The following EIF4G3 variants were observed in gnomAD, a reference collection of about 807,000 sequenced individuals.
The protein encoded by EIF4G3 is eukaryotic translation initiation factor 4 gamma 3.
Under a neutral mutation model 186.4 loss-of-function variants are expected in EIF4G3, and 34 were observed. That is an observed-to-expected ratio of 0.18 (90% CI 0.14 to 0.24). The LOEUF (loss-of-function observed/expected upper bound fraction) is 0.24, where lower values mean the gene tolerates loss of function less well. EIF4G3 is among the 10% of genes least tolerant of loss of function. EIF4G3 has a pLI of 1.00. For synonymous variants in EIF4G3, 673 were observed against 679.5 expected (o/e 0.99, Z 0.15); for missense variants, 1,536 against 1,948.5 (o/e 0.79, Z 3.99).
intron 36 of EIF4G3, among the ~76,000 whole-genome samples, chr1:20,808,319 A>G (rs1352238506): frequency 1.3e-5 from 2 of 152,060 alleles, no homozygotes; most frequent in Non-Finnish European, 2.9e-5. Flanking sequence ...TTACTGTATT[A>G]TTTTTACAAA....
chr1:20,849,727 G>A (rs569202176), intron 28 of EIF4G3, among the ~76,000 whole-genome samples, 197 bp from the exon 29 acceptor site: 1 of 152,252 alleles, frequency 6.6e-6, no homozygotes, highest in East Asian at 1.9e-4. Flanking sequence ...CAATAACAAT[G>A]AACAAGATTT....
intron 3 of EIF4G3, among the ~76,000 whole-genome samples, chr1:21,061,770 CAG>C (rs1443897144): frequency 1.4e-5 from 2 of 138,362 alleles, no homozygotes; most frequent in African/African-American, 2.7e-5. Context: ...TTTTTTGAGA[CAG>C]AGTCTCACTC....
intron 2 of EIF4G3, among the ~76,000 whole-genome samples, chr1:21,094,765 TATAATAATAATAATAATA>T (rs368168938): frequency 1.4e-5 from 2 of 140,890 alleles, no homozygotes; most frequent in Non-Finnish European, 3.1e-5. Context: ...GAACTTAAAG[TATAATAATAATAATAATA>T]ATAATAATAA....
At chr1:21,149,354 TG>T (rs2097513444) in intron 2 of EIF4G3, among the ~76,000 whole-genome samples, 1 of 152,128 alleles carries the variant, frequency 6.6e-6, no homozygotes, top group Non-Finnish European at 1.5e-5. Context: ...TTTTTTTCCC[TG>T]TATTTTCCAT....
At chr1:21,046,009 A>G (rs2093864780) in intron 4 of EIF4G3, among the ~76,000 whole-genome samples, 1 of 152,068 alleles carries the variant, frequency 6.6e-6, no homozygotes, top group Non-Finnish European at 1.5e-5. Flanking sequence ...TTAAATTATA[A>G]AACAGTGGTA....
At chr1:21,146,656 C>G (rs1289074989) in intron 2 of EIF4G3, among the ~76,000 whole-genome samples, 3 of 151,998 alleles carry the variant, frequency 2.0e-5, no homozygotes, top group Non-Finnish European at 4.4e-5. Context: ...ACTAGGGAAG[C>G]TGAGGAAGGA....
At chr1:21,153,576 T>C (rs976471753) in intron 2 of EIF4G3, among the ~76,000 whole-genome samples, 1 of 152,200 alleles carries the variant, frequency 6.6e-6, no homozygotes, top group East Asian at 1.9e-4. Context: ...GTTTGTTTGT[T>C]TGAGACGGAG....
At chr1:21,020,579 C>T (rs1047339802) in intron 4 of EIF4G3, among the ~76,000 whole-genome samples, 3 of 152,098 alleles carry the variant, frequency 2.0e-5, no homozygotes, top group Non-Finnish European at 4.4e-5. Context: ...GTATAGCCAG[C>T]GCGATTACTG....
intron 8 of EIF4G3, 130 bp from the exon 9 acceptor site, chr1:20,981,357 G>T (rs11811694): frequency 0.014 from 9,675 of 671,904 alleles, 430 homozygotes; most frequent in African/African-American, 0.12. Context: ...TGCATAAAAA[G>T]AATAAATTAC....
chr1:20,873,489 G>A (rs560409674), intron 20 of EIF4G3, among the ~76,000 whole-genome samples: 126 of 152,096 alleles, frequency 8.3e-4, no homozygotes, highest in Non-Finnish European at 1.5e-3. Flanking sequence ...GTTGTTTCAC[G>A]TTTGTAAATA....
chr1:21,084,278 C>T (rs2095886856), intron 3 of EIF4G3, among the ~76,000 whole-genome samples: 1 of 150,734 alleles, frequency 6.6e-6, no homozygotes, highest in Non-Finnish European at 1.5e-5. Context: ...AACTGACTCA[C>T]AGTTCCACGT....
At chr1:21,007,395 T>C (rs1026035566) in intron 4 of EIF4G3, among the ~76,000 whole-genome samples, 3 of 151,250 alleles carry the variant, frequency 2.0e-5, no homozygotes, top group Admixed American at 6.6e-5. Context: ...CGAAACTTCA[T>C]CTCAAAACAA....
chr1:20,954,958 T>G (rs116621219), intron 12 of EIF4G3, among the ~76,000 whole-genome samples: 2 of 152,164 alleles, frequency 1.3e-5, no homozygotes, highest in South Asian at 4.1e-4. Flanking sequence ...AATGTTGGCA[T>G]GTAGGAGGAA....
At chr1:21,172,195 G>A (rs924141897) in intron 2 of EIF4G3, among the ~76,000 whole-genome samples, 1 of 150,834 alleles carries the variant, frequency 6.6e-6, no homozygotes, top group African/African-American at 2.4e-5. Context: ...CAATGGAATT[G>A]GAAAAAGCAG....
intron 10 of EIF4G3, among the ~76,000 whole-genome samples, chr1:20,976,283 G>A (rs1003919536): frequency 2.0e-5 from 3 of 151,752 alleles, no homozygotes; most frequent in African/African-American, 7.3e-5. Context: ...CCATCAACTC[G>A]TCATTTAACA....
At chr1:20,929,338 G>A (rs2095162268) in intron 14 of EIF4G3, 1 of 152,178 alleles carries the variant, frequency 6.6e-6, no homozygotes, top group Admixed American at 6.5e-5. Flanking sequence ...AGGTCACCTT[G>A]AGATGTGTCT....
intron 12 of EIF4G3, among the ~76,000 whole-genome samples, chr1:20,955,202 C>G (rs1302852712): frequency 6.6e-6 from 1 of 151,574 alleles, no homozygotes; most frequent in Admixed American, 6.6e-5. Context: ...TTTTAAGCAG[C>G]AATATGATAT....
Position 20,807,063 on chromosome 1 carries a change from T to C in EIF4G3, c.*256A>G, listed in dbSNP as rs571738690. ...GAGTCCTTGTTTAAAAAGAAAAGAT[T>C]AAAACAGAAAATATTTTCTATAAAT... On this transcript the variant is annotated 3_prime_UTR_variant, in exon 37 of 37. Coordinates refer to ENST00000602326, the MANE Select transcript of EIF4G3 (RefSeq NM_001391906.1). 3.8e-4 allele frequency: 102 copies of C among 267,822 alleles called. No homozygotes were observed. Among genetic ancestry groups the C allele is most frequent in the Middle Eastern group, 1.1e-3 (1 of 918 alleles). 16.6% of individuals were successfully genotyped at this position (267,822 alleles called of 1,614,324 possible). A position where few individuals can be genotyped will look rare whatever the true frequency, so the allele number is the denominator to read the frequency against.
chr1:20,889,499 A>T (rs2085273345), intron 18 of EIF4G3, among the ~76,000 whole-genome samples: 1 of 152,016 alleles, frequency 6.6e-6, no homozygotes, highest in Non-Finnish European at 1.5e-5. Flanking sequence ...AATTTTATTT[A>T]TTTTTTTTAT....
Sources: gnomAD v4.1 joint callset for allele counts (sites outside exome capture counted in the v4.1 genomes callset) on GRCh38, gnomAD v4.1.1 for gene constraint, MANE v1.5 for transcripts, NCBI Gene and HGNC (gene_info 2026-07-23, HGNC 2026-07-21) for gene names.